Variants in KCND2 observed in about 807,000 individuals in gnomAD.
KCND2 encodes the protein potassium voltage-gated channel subfamily D member 2, also known as A-type voltage-gated potassium channel KCND2.
A neutral mutation model predicts 54.4 loss-of-function variants in KCND2; 16 were observed. That is an observed-to-expected ratio of 0.29 (90% CI 0.20 to 0.45). The LOEUF is 0.45. KCND2 is among the 20% of genes least tolerant of loss of function. The pLI, the probability that KCND2 is intolerant of heterozygous loss-of-function variation, is 1.00. For synonymous variants in KCND2, 317 were observed against 310.7 expected, an observed-to-expected ratio of 1.02 and a Z score of -0.21; for missense variants, 486 against 824.2, an observed-to-expected ratio of 0.59 and a Z score of 5.02.
intron 1 of KCND2, among the ~76,000 whole-genome samples, chr7:120,677,162 A>C (rs1028821645): frequency 1.3e-5 from 2 of 152,204 alleles, no homozygotes; most frequent in African/African-American, 2.4e-5. Flanking sequence ...TTGGAATGGA[A>C]TAAAGGCAAG....
chr7:120,639,542 T>C (rs760147882), intron 1 of KCND2, among the ~76,000 whole-genome samples: 11 of 152,200 alleles, frequency 7.2e-5, no homozygotes, highest in Non-Finnish European at 1.6e-4. Context: ...CCATTTCTGT[T>C]GCTCACTTAA....
intron 1 of KCND2, among the ~76,000 whole-genome samples, chr7:120,351,412 A>ACTCTCTCTCTCT (rs60390632): frequency 1.3e-4 from 13 of 99,780 alleles, no homozygotes; most frequent in African/African-American, 4.5e-4. Context: ...ACACACACAC[A>ACTCTCTCTCTCT]CTCTCTCTCT....
intron 1 of KCND2, among the ~76,000 whole-genome samples, chr7:120,456,975 T>G (rs1003693082): frequency 3.9e-5 from 6 of 152,352 alleles, no homozygotes; most frequent in African/African-American, 1.4e-4. Flanking sequence ...ACCTCAATTC[T>G]TGACCCAGGT....
intron 1 of KCND2, among the ~76,000 whole-genome samples, chr7:120,667,083 C>G (rs983845197): frequency 6.6e-6 from 1 of 152,032 alleles, no homozygotes; most frequent in Non-Finnish European, 1.5e-5. Context: ...AGCTGAACTT[C>G]AATCAACAAT....
chr7:120,433,910 A>G (rs988128599), intron 1 of KCND2, among the ~76,000 whole-genome samples: 5 of 152,176 alleles, frequency 3.3e-5, no homozygotes, highest in African/African-American at 1.2e-4. Flanking sequence ...TGTACATAGC[A>G]AGTATGTCTC....
chr7:120,649,189 C>T (rs1228007217), intron 1 of KCND2, among the ~76,000 whole-genome samples: 1 of 151,492 alleles, frequency 6.6e-6, no homozygotes, highest in Admixed American at 6.6e-5. Flanking sequence ...CAATTTAAAT[C>T]AAGATATTTT....
chr7:120,546,602 A>T (rs1792044928), intron 1 of KCND2, among the ~76,000 whole-genome samples: 1 of 152,016 alleles, frequency 6.6e-6, no homozygotes, highest in African/African-American at 2.4e-5. Context: ...ATATACATTC[A>T]TGTCCTTTAT....
intron 1 of KCND2, among the ~76,000 whole-genome samples, chr7:120,325,504 G>A (rs898293176): frequency 2.6e-5 from 4 of 151,146 alleles, no homozygotes; most frequent in Non-Finnish European, 4.4e-5. Flanking sequence ...AGAGTTTTTA[G>A]CATGAAGAGT....
chr7:120,531,257 A>G (rs187787353), intron 1 of KCND2, among the ~76,000 whole-genome samples: 1 of 152,166 alleles, frequency 6.6e-6, no homozygotes, highest in East Asian at 1.9e-4. Context: ...CTTGATTTTT[A>G]TATCCCTTTA....
chr7:120,296,153 C>T (rs1408310709), intron 1 of KCND2, among the ~76,000 whole-genome samples: 1 of 152,056 alleles, frequency 6.6e-6, no homozygotes, highest in Non-Finnish European at 1.5e-5. Flanking sequence ...TATATATAGT[C>T]ATTCAGTCTC....
intron 1 of KCND2, among the ~76,000 whole-genome samples, chr7:120,431,052 A>G (rs535293931): frequency 6.6e-6 from 1 of 152,300 alleles, no homozygotes; most frequent in East Asian, 1.9e-4. Context: ...ACTGAGACTA[A>G]TATGTTTAAC....
At chr7:120,309,517 ATATT>A (rs1295006381) in intron 1 of KCND2, among the ~76,000 whole-genome samples, 3 of 145,706 alleles carry the variant, frequency 2.1e-5, no homozygotes, top group Admixed American at 1.4e-4. Flanking sequence ...GTATGTATAT[ATATT>A]TAATTTAGTT....
At position 120,749,417 on chromosome 7, in the gene KCND2, A is replaced by G. The variant is rs1793045527; in HGVS notation, c.*1559A>G. 1.3e-5 allele frequency: 2 copies of G among 152,346 alleles called. No homozygotes were observed. Among genetic ancestry groups the G allele is most frequent in the Non-Finnish European group, 2.9e-5 (2 of 67,824 alleles). 9.4% of individuals were successfully genotyped at this position (152,346 alleles called of 1,614,324 possible). Reference sequence around the variant, plus strand: ...TTCAGCAGACATGTCTGCACATGACAGTGTAAAAAAGTTTAATGTCAAATG... The same window carrying G: ...TTCAGCAGACATGTCTGCACATGACGGTGTAAAAAAGTTTAATGTCAAATG... On this transcript the variant is annotated 3_prime_UTR_variant, in exon 6 of 6. Coordinates refer to ENST00000331113, the MANE Select transcript of KCND2 (RefSeq NM_012281.3).
intron 1 of KCND2, among the ~76,000 whole-genome samples, chr7:120,370,724 A>G (rs557547909): frequency 1.3e-5 from 2 of 152,044 alleles, no homozygotes; most frequent in African/African-American, 2.4e-5. Context: ...ATAACAGCGG[A>G]AAAGGGACAG....
At chr7:120,325,493 GAGAGTTTTTAGCATGA>G (rs1312585129) in intron 1 of KCND2, among the ~76,000 whole-genome samples, 1 of 150,968 alleles carries the variant, frequency 6.6e-6, no homozygotes, top group African/African-American at 2.5e-5. Flanking sequence ...CTAATTTATT[GAGAGTTTTTAGCATGA>G]AGAGTTGTTG....
intron 1 of KCND2, among the ~76,000 whole-genome samples, chr7:120,695,272 TC>T (rs1382378015): frequency 6.6e-6 from 1 of 151,474 alleles, no homozygotes; most frequent in Non-Finnish European, 1.5e-5. Flanking sequence ...TATATATGTA[TC>T]CCATAAGTTT....
chr7:120,673,319 C>T (rs116358536), intron 1 of KCND2, among the ~76,000 whole-genome samples: 96 of 152,264 alleles, frequency 6.3e-4, no homozygotes, highest in African/African-American at 2.3e-3. Context: ...TTCTAGTTAA[C>T]ACAAACTGAA....
At chr7:120,664,572 G>T (rs1791902641) in intron 1 of KCND2, among the ~76,000 whole-genome samples, 1 of 152,032 alleles carries the variant, frequency 6.6e-6, no homozygotes, top group Admixed American at 6.6e-5. Flanking sequence ...AAAAGATAAT[G>T]ATTATCTAAC....
At chr7:120,531,767 T>C (rs1402756025) in intron 1 of KCND2, among the ~76,000 whole-genome samples, 2 of 152,138 alleles carry the variant, frequency 1.3e-5, no homozygotes, top group African/African-American at 4.8e-5. Context: ...TACAAAAGAC[T>C]TTATATACTT....
Sources: gnomAD v4.1 joint callset for allele counts (sites outside exome capture counted in the v4.1 genomes callset) on GRCh38, gnomAD v4.1.1 for gene constraint, MANE v1.5 for transcripts, NCBI Gene and HGNC (gene_info 2026-07-23, HGNC 2026-07-21) for gene names.